Variants in SPHKAP observed in about 807,000 individuals in gnomAD.
SPHKAP encodes A-kinase anchor protein SPHKAP.
A neutral mutation model predicts 137.5 loss-of-function variants in SPHKAP; 67 were observed. That is an observed-to-expected ratio of 0.49 (90% CI 0.40 to 0.60). SPHKAP has a LOEUF of 0.60. SPHKAP is among the 20% of genes least tolerant of loss of function. The pLI, the probability that SPHKAP is intolerant of heterozygous loss-of-function variation, is 0.00. For synonymous variants in SPHKAP, 813 were observed against 785.3 expected (o/e 1.04, Z -0.59); for missense variants, 2,097 against 2,069.3 (o/e 1.01, Z -0.26).
chr2:228,168,626 C>CT (rs1559212130), intron 1 of SPHKAP, among the ~76,000 whole-genome samples: 1 of 152,094 alleles, frequency 6.6e-6, no homozygotes, highest in African/African-American at 2.4e-5. Flanking sequence ...GTTACCCCTT[C>CT]TTTTTTCCTC....
chr2:228,144,570 A>G (rs1699713372), intron 1 of SPHKAP, among the ~76,000 whole-genome samples: 1 of 151,934 alleles, frequency 6.6e-6, no homozygotes, highest in Non-Finnish European at 1.5e-5. Context: ...TATATTTAAT[A>G]TATACTATTT....
At chr2:228,092,156 C>CGTATATGT (rs1559168659) in intron 3 of SPHKAP, among the ~76,000 whole-genome samples, 1 of 114,022 alleles carries the variant, frequency 8.8e-6, no homozygotes, top group African/African-American at 3.5e-5. Flanking sequence ...TATACATATA[C>CGTATATGT]ATATATGTGT....
intron 1 of SPHKAP, among the ~76,000 whole-genome samples, chr2:228,165,518 T>G (rs1700398559): frequency 6.6e-6 from 1 of 152,222 alleles, no homozygotes. Flanking sequence ...TCTGTAATAT[T>G]AACTACTTTA....
In SPHKAP at chr2:228,108,863, A is replaced by G; in HGVS notation, c.215T>C (p.Phe72Ser). 3 of 1,610,562 alleles carry G rather than the reference A, an allele frequency of 1.9e-6. No individual in the cohort carries two copies. The highest frequency in any genetic ancestry group is 2.5e-6 in the Non-Finnish European group (3 of 1,179,204). The stretch of plus-strand genomic sequence containing the variant: ...ACAGTTTTCAGACTTGTCTTCTACA[A>G]AACCAATTTGGCAGGGCATCCTCTG... Reference protein sequence around the residue: ...QNQRMPCQIGFVEDKSENCAS... With the variant: ...QNQRMPCQIGSVEDKSENCAS... Residue 72 changes from phenylalanine to serine, a missense_variant, in exon 3 of 12, where the codon TTT (phenylalanine) becomes TCT (serine). Physicochemically the swap from Phe to Ser is radical, Grantham distance 155. Transcript: ENST00000392056.
At chr2:228,167,115 T>C (rs1700444333) in intron 1 of SPHKAP, among the ~76,000 whole-genome samples, 1 of 152,174 alleles carries the variant, frequency 6.6e-6, no homozygotes, top group South Asian at 2.1e-4. Flanking sequence ...CACTGAGGGT[T>C]AAATTTCAGC....
Position 227,987,173 on chromosome 2 carries a change from T to C in SPHKAP, c.4959+3827A>G, listed in dbSNP as rs191777692. On this transcript the variant is annotated intron_variant, in intron 11 of 11. Coordinates refer to ENST00000392056, the MANE Select transcript of SPHKAP (RefSeq NM_001142644.2). ...AAAAATGCATATTTCTAGGCTCCAC[T>C]ACCAGAAAGTGATCAGGTCCTAGAA... 4.5e-4 allele frequency among the ~76,000 whole-genome samples: 68 copies of C among 152,340 alleles called. 1 individual carries two copies. The South Asian group carries it at 9.3e-3, about 21-fold the overall frequency.
intron 1 of SPHKAP, among the ~76,000 whole-genome samples, chr2:228,152,215 G>A (rs1245139325): frequency 2.6e-5 from 4 of 152,108 alleles, no homozygotes; most frequent in Non-Finnish European, 5.9e-5. Flanking sequence ...GTTGCATTAA[G>A]TTAAGCTGGT....
chr2:228,152,965 C>T (rs985931846), intron 1 of SPHKAP, among the ~76,000 whole-genome samples: 15 of 152,216 alleles, frequency 9.9e-5, no homozygotes, highest in Admixed American at 9.2e-4. Flanking sequence ...GGAGTTTCCC[C>T]TATAACTGTT....
chr2:228,168,221 A>G (rs1700477283), intron 1 of SPHKAP, among the ~76,000 whole-genome samples: 1 of 152,146 alleles, frequency 6.6e-6, no homozygotes, highest in Non-Finnish European at 1.5e-5. Context: ...CCACAAGAAA[A>G]TTATTTTTTC....
intron 7 of SPHKAP, 113 bp downstream of exon 7, chr2:228,016,293 A>C: frequency 6.9e-7 from 1 of 1,448,650 alleles, no homozygotes; most frequent in Non-Finnish European, 9.0e-7. Flanking sequence ...TGGTCTTGAA[A>C]ATTTAGTTCT....
chr2:228,083,860 C>G (rs1370844105), intron 3 of SPHKAP, among the ~76,000 whole-genome samples: 1 of 152,020 alleles, frequency 6.6e-6, no homozygotes, highest in African/African-American at 2.4e-5. Flanking sequence ...CATGTTCTCA[C>G]TCATAAGTGG....
At chr2:228,154,792 C>G (rs965157665) in intron 1 of SPHKAP, among the ~76,000 whole-genome samples, 1 of 148,408 alleles carries the variant, frequency 6.7e-6, no homozygotes, top group Non-Finnish European at 1.5e-5. Flanking sequence ...ATCTCCTGAC[C>G]TCGTGATCTG....
intron 2 of SPHKAP, among the ~76,000 whole-genome samples, chr2:228,112,995 G>A (rs1267613805): frequency 6.6e-6 from 1 of 152,078 alleles, no homozygotes; most frequent in Non-Finnish European, 1.5e-5. Flanking sequence ...AGAAGAAACG[G>A]AAGCAGCAGA....
intron 1 of SPHKAP, among the ~76,000 whole-genome samples, chr2:228,166,825 C>T (rs559261936): frequency 6.6e-6 from 1 of 152,272 alleles, no homozygotes; most frequent in South Asian, 2.1e-4. Context: ...GTTTAATTGG[C>T]TCACAGTTCT....
At chr2:228,118,435 T>G (rs968069735) in intron 2 of SPHKAP, among the ~76,000 whole-genome samples, 2 of 152,006 alleles carry the variant, frequency 1.3e-5, no homozygotes, top group African/African-American at 4.8e-5. Context: ...TATAAGAAAC[T>G]GAAAAAATGT....
intron 3 of SPHKAP, among the ~76,000 whole-genome samples, chr2:228,090,558 C>A (rs1021068905): frequency 3.3e-5 from 5 of 152,090 alleles, no homozygotes; most frequent in Non-Finnish European, 5.9e-5. Flanking sequence ...GGGCTAGGGG[C>A]AGAATGATAT....
intron 3 of SPHKAP, among the ~76,000 whole-genome samples, chr2:228,083,419 G>A (rs552669876): frequency 6.6e-6 from 1 of 152,256 alleles, no homozygotes; most frequent in African/African-American, 2.4e-5. Context: ...ATTTTGATTT[G>A]CATTTCTCTG....
At chr2:228,025,930 A>C in intron 4 of SPHKAP, 528 of 909,722 alleles carry the variant, frequency 5.8e-4, no homozygotes, top group Non-Finnish European at 6.2e-4. Context: ...TCCAAATCTC[A>C]TCTTGTAGCT....
chr2:228,092,108 T>C (rs1041082102), intron 3 of SPHKAP, among the ~76,000 whole-genome samples: 4 of 143,972 alleles, frequency 2.8e-5, no homozygotes, highest in Admixed American at 7.0e-5. Context: ...TATGTATATA[T>C]ACACATATAT....
Sources: gnomAD v4.1 joint callset for allele counts (sites outside exome capture counted in the v4.1 genomes callset) on GRCh38, gnomAD v4.1.1 for gene constraint, MANE v1.5 for transcripts, NCBI Gene and HGNC (gene_info 2026-07-23, HGNC 2026-07-21) for gene names.